CD109: variants seen among roughly 807,000 people sequenced by gnomAD.
The protein encoded by CD109 is CD109 antigen.
In CD109, 149 loss-of-function variants were observed where a neutral mutation model predicts 165.8. That is an observed-to-expected ratio of 0.90 (90% CI 0.79 to 1.03). CD109 has a LOEUF of 1.03. Ranked by LOEUF, CD109 falls within the 50% of genes least tolerant of loss-of-function variation. CD109 has a pLI of 0.00. For synonymous variants in CD109, 585 were observed against 592.1 expected (o/e 0.99, Z 0.18); for missense variants, 1,712 against 1,677.8 (o/e 1.02, Z -0.36).
intron 3 of CD109, among the ~76,000 whole-genome samples, chr6:73,725,092 A>C (rs112684493): frequency 0.073 from 11,082 of 152,254 alleles, 525 homozygotes; most frequent in East Asian, 0.12. Context: ...CTAATAATAG[A>C]AAGTGGAAGA....
chr6:73,727,890 A>T lies in CD109; in HGVS notation c.277-2454A>T, dbSNP rs563707842. 3.3e-5 allele frequency among the ~76,000 whole-genome samples: 5 copies of T among 152,324 alleles called. 1 individual carries two copies. The South Asian group carries it at 1.0e-3, about 32-fold the overall frequency. On this transcript the variant is annotated intron_variant, in intron 3 of 32. Coordinates refer to ENST00000287097, the MANE Select transcript of CD109 (RefSeq NM_133493.5). ...GAAATCTGATTCAAAGAGTCTGAGG[A>T]CTGAAGTATCACTTGAGAAAATAGA...
intron 2 of CD109, among the ~76,000 whole-genome samples, chr6:73,713,344 G>A (rs1430420683): frequency 6.6e-6 from 1 of 152,118 alleles, no homozygotes; most frequent in Non-Finnish European, 1.5e-5. Flanking sequence ...CCTGGATCCA[G>A]CAAGAAATAG....
chr6:73,759,773 C>T (rs976754463), intron 7 of CD109, among the ~76,000 whole-genome samples: 6 of 152,020 alleles, frequency 3.9e-5, no homozygotes, highest in East Asian at 1.9e-4. Context: ...ATCTTTAGCA[C>T]GATACAAGTA....
chr6:73,696,850 C>A (rs1770859283), intron 1 of CD109, among the ~76,000 whole-genome samples: 1 of 152,148 alleles, frequency 6.6e-6, no homozygotes, highest in Non-Finnish European at 1.5e-5. Context: ...TTATGATTCG[C>A]TATACCTGGA....
chr6:73,690,570 T>A, the CD109 span, among the ~76,000 whole-genome samples: 1 of 152,144 alleles, frequency 6.6e-6, no homozygotes, highest in Non-Finnish European at 1.5e-5. Flanking sequence ...CCTTGCTAAT[T>A]TTGTATTTTT....
At chr6:73,727,280 G>A (rs1261940044) in intron 3 of CD109, among the ~76,000 whole-genome samples, 1 of 152,126 alleles carries the variant, frequency 6.6e-6, no homozygotes, top group African/African-American at 2.4e-5. Flanking sequence ...CCCAGAGTAC[G>A]TGGTGACACC....
chr6:73,695,340 A>G (rs143704888), upstream of CD109: 1 of 151,830 alleles, frequency 6.6e-6, no homozygotes, highest in African/African-American at 2.4e-5. Context: ...GGCATCAATA[A>G]CTCCTGGGCA....
chr6:73,729,837 T>C (rs116818739), intron 3 of CD109, among the ~76,000 whole-genome samples: 23 of 152,122 alleles, frequency 1.5e-4, no homozygotes, highest in African/African-American at 5.3e-4. Flanking sequence ...TTAATAGTAG[T>C]AGTAGAAGTA....
At chr6:73,820,080 G>T (rs1011751927) in intron 31 of CD109, among the ~76,000 whole-genome samples, 1 of 152,148 alleles carries the variant, frequency 6.6e-6, no homozygotes, top group Non-Finnish European at 1.5e-5. Flanking sequence ...CCTACTGGGT[G>T]ACATGGCTTG....
intron 31 of CD109, among the ~76,000 whole-genome samples, chr6:73,819,622 A>C (rs1452855573): frequency 2.0e-5 from 3 of 152,234 alleles, no homozygotes; most frequent in Non-Finnish European, 4.4e-5. Context: ...TTAGCACTTC[A>C]AAACCACTTT....
At chr6:73,789,260 C>T (rs928775843) in intron 22 of CD109, among the ~76,000 whole-genome samples, 3 of 152,170 alleles carry the variant, frequency 2.0e-5, no homozygotes, top group African/African-American at 7.2e-5. Flanking sequence ...GTCGCCTCTC[C>T]TAGTTACTTT....
chr6:73,776,590 A>G (rs1189814522), intron 15 of CD109, among the ~76,000 whole-genome samples: 11 of 72,314 alleles, frequency 1.5e-4, no homozygotes, highest in Admixed American at 1.3e-3. Context: ...CAGAGCCTTG[A>G]TCTGTCACCC....
upstream of CD109, among the ~76,000 whole-genome samples, chr6:73,691,247 C>T (rs1046280478): frequency 2.6e-5 from 4 of 152,212 alleles, no homozygotes; most frequent in South Asian, 2.1e-4. Flanking sequence ...CTGGTCTCAC[C>T]CCTTCCAATG....
At chr6:73,707,046 T>C (rs1229607200) in intron 2 of CD109, among the ~76,000 whole-genome samples, 1 of 152,240 alleles carries the variant, frequency 6.6e-6, no homozygotes, top group East Asian at 1.9e-4. Context: ...GAGGTTCCTG[T>C]GCCTGTGCTC....
At chr6:73,776,197 T>C (rs772662863) in intron 15 of CD109, among the ~76,000 whole-genome samples, 1 of 152,174 alleles carries the variant, frequency 6.6e-6, no homozygotes, top group African/African-American at 2.4e-5. Context: ...TTTTGACTTT[T>C]AAATGATAGC....
At position 73,808,117 on chromosome 6, in the gene CD109, T is replaced by C. The variant is rs1056482401; in HGVS notation, c.3224T>C (p.Leu1075Ser). The C allele has an allele frequency of 6.2e-7, 1 of 1,613,212 alleles. No individual in the cohort carries two copies. The highest frequency in any genetic ancestry group is 8.5e-7 in the Non-Finnish European group (1 of 1,179,578). ...GATGTGCAAGAGTCTATCCATTTTT[T>C]GGAGTCTGAATTCAGTAGAGGAATT... ...NIDVQESIHF[L>S]ESEFSRGISD... The change falls in exon 26 of 33, where the codon TTG (leucine) becomes TCG (serine). Residue 1075 changes from leucine (L) to serine (S), a missense_variant. Physicochemically the swap from Leu to Ser is moderately radical, Grantham distance 145. Coordinates refer to ENST00000287097, the MANE Select transcript of CD109 (RefSeq NM_133493.5).
intron 26 of CD109, among the ~76,000 whole-genome samples, chr6:73,809,309 T>A (rs1245284681): frequency 6.6e-6 from 1 of 152,102 alleles, no homozygotes; most frequent in African/African-American, 2.4e-5. Flanking sequence ...TCCAGAATAT[T>A]AGAGCTAGTT....
intron 5 of CD109, among the ~76,000 whole-genome samples, chr6:73,740,852 A>T (rs148990974): frequency 1.9e-4 from 29 of 152,070 alleles, no homozygotes; most frequent in Non-Finnish European, 1.8e-4. Flanking sequence ...CGGCCTCCCA[A>T]AGTGCTGGGA....
rs1223611591 is a variant in CD109 at position 73,762,358 on chromosome 6, A to G, written c.759-26A>G. 2.2e-6 allele frequency: 3 copies of G among 1,387,164 alleles called. No individual in the cohort carries two copies. In the Admixed American group the frequency reaches 5.4e-5, roughly 25 times the overall value. 85.9% of individuals were successfully genotyped at this position (1,387,164 alleles called of 1,614,324 possible). On this transcript the variant is annotated intron_variant, in intron 7 of 32. Coordinates refer to ENST00000287097, the MANE Select transcript of CD109 (RefSeq NM_133493.5). ...TCTGACAATATCAAGTTGATACATA[A>G]AAAGACTATGTTTATAATTATTCAG...
Sources: gnomAD v4.1 joint callset for allele counts (sites outside exome capture counted in the v4.1 genomes callset) on GRCh38, gnomAD v4.1.1 for gene constraint, MANE v1.5 for transcripts, NCBI Gene and HGNC (gene_info 2026-07-23, HGNC 2026-07-21) for gene names.